SYT9: variants seen among roughly 807,000 people sequenced by gnomAD.
SYT9 encodes the protein synaptotagmin 9.
SYT9 carries 22 observed loss-of-function variants against 48.4 expected under a neutral mutation model. The observed-to-expected ratio is 0.45, with a 90% CI of 0.32 to 0.65. The LOEUF (loss-of-function observed/expected upper bound fraction) is 0.65, where lower values mean the gene tolerates loss of function less well. Ranked by LOEUF, SYT9 falls within the 30% of genes least tolerant of loss-of-function variation. The pLI, the probability that SYT9 is intolerant of heterozygous loss-of-function variation, is 0.03. For synonymous variants in SYT9, 265 were observed against 245.0 expected, an observed-to-expected ratio of 1.08 and a Z score of -0.76; for missense variants, 577 against 622.0, an observed-to-expected ratio of 0.93 and a Z score of 0.77.
At position 7,449,474 on chromosome 11, in the gene SYT9, A is replaced by G. The variant is rs1200473349; in HGVS notation, c.1468-17318A>G. On this transcript the variant is annotated intron_variant, in intron 6 of 6. Transcript: ENST00000318881. Reference sequence around the variant, plus strand: ...GTTGTGACTTCAAAAGAGAACCAGGATTCAGTTGAAGTGAGAAAGTGGATA... The same window carrying G: ...GTTGTGACTTCAAAAGAGAACCAGGGTTCAGTTGAAGTGAGAAAGTGGATA... Among the ~76,000 whole-genome samples the G allele has an allele frequency of 2.0e-5, 3 of 152,206 alleles. No homozygotes were observed. In the East Asian group the frequency reaches 5.8e-4, roughly 29 times the overall value.
chr11:7,430,222 T>C (rs1847544685), intron 6 of SYT9, among the ~76,000 whole-genome samples: 2 of 152,264 alleles, frequency 1.3e-5, no homozygotes, highest in South Asian at 4.1e-4. Flanking sequence ...TACATATTTT[T>C]TTCGCACCTT....
intron 6 of SYT9, among the ~76,000 whole-genome samples, chr11:7,423,543 G>C (rs115083955): frequency 6.6e-6 from 1 of 152,176 alleles, no homozygotes; most frequent in Non-Finnish European, 1.5e-5. Context: ...GGGATGGTGA[G>C]GATTAAACAA....
At chr11:7,462,079 T>C (rs536253587) in intron 6 of SYT9, among the ~76,000 whole-genome samples, 9 of 148,866 alleles carry the variant, frequency 6.0e-5, no homozygotes, top group Admixed American at 6.6e-5. Flanking sequence ...GAATCCTTTC[T>C]AGAAAGGTGC....
chr11:7,433,270 T>C (rs1311497284), intron 6 of SYT9, among the ~76,000 whole-genome samples: 1 of 152,196 alleles, frequency 6.6e-6, no homozygotes, highest in Non-Finnish European at 1.5e-5. Context: ...TGTGAACCAA[T>C]TAATCTGCTT....
intron 3 of SYT9, among the ~76,000 whole-genome samples, chr11:7,411,219 T>C (rs1847131525): frequency 6.6e-6 from 1 of 152,238 alleles, no homozygotes; most frequent in African/African-American, 2.4e-5. Context: ...TCTGATCGTT[T>C]TGTATGTTCT....
chr11:7,363,124 A>G lies in SYT9; in HGVS notation c.1044+49183A>G, dbSNP rs1024620585. On this transcript the variant is annotated intron_variant, in intron 3 of 6. Transcript: ENST00000318881. The stretch of plus-strand genomic sequence containing the variant: ...TTTACCTTGAATCTCCACTAGTACT[A>G]TCTGGGCCCAAGATACTATCATTTC... Among the ~76,000 whole-genome samples the G allele has an allele frequency of 2.6e-5, 4 of 151,648 alleles. No individual in the cohort carries two copies. The East Asian group carries it at 7.8e-4, about 29-fold the overall frequency.
intron 3 of SYT9, among the ~76,000 whole-genome samples, chr11:7,345,270 A>G (rs924296413): frequency 6.6e-6 from 1 of 152,146 alleles, no homozygotes; most frequent in African/African-American, 2.4e-5. Context: ...ACCTGTCTGT[A>G]CTGTGTCTCT....
intron 1 of SYT9, among the ~76,000 whole-genome samples, chr11:7,278,285 C>T (rs1266356955): frequency 1.3e-5 from 2 of 152,154 alleles, no homozygotes; most frequent in African/African-American, 4.8e-5. Flanking sequence ...ATAACAAATT[C>T]ATTCATGAAG....
chr11:7,399,701 A>G (rs1478657121), intron 3 of SYT9, among the ~76,000 whole-genome samples: 3 of 151,844 alleles, frequency 2.0e-5, no homozygotes, highest in African/African-American at 2.4e-5. Context: ...GACATCCTCT[A>G]TAGGAACAAA....
chr11:7,431,231 G>A (rs931894349), intron 6 of SYT9, among the ~76,000 whole-genome samples: 3 of 152,148 alleles, frequency 2.0e-5, no homozygotes, highest in Admixed American at 6.5e-5. Flanking sequence ...CAAAGAACTC[G>A]GTTGTATTGT....
chr11:7,444,477 A>G (rs1847893082), intron 6 of SYT9: 1 of 152,204 alleles, frequency 6.6e-6, no homozygotes, highest in African/African-American at 2.4e-5. Context: ...TTGGAGAGAT[A>G]ATTACGGAAA....
chr11:7,400,197 T>C (rs1297494220), intron 3 of SYT9, among the ~76,000 whole-genome samples: 1 of 152,210 alleles, frequency 6.6e-6, no homozygotes, highest in Admixed American at 6.5e-5. Context: ...TTAGCATGAA[T>C]GATGCCATAT....
intron 6 of SYT9, among the ~76,000 whole-genome samples, chr11:7,449,781 G>C (rs576907598): frequency 2.0e-5 from 3 of 152,138 alleles, no homozygotes; most frequent in Non-Finnish European, 4.4e-5. Flanking sequence ...TGTTCTCCTA[G>C]AGTTGTTTGA....
At chr11:7,417,846 C>A in intron 4 of SYT9, 111 bp from the exon 5 acceptor site, 2 of 1,058,860 alleles carry the variant, frequency 1.9e-6, no homozygotes, top group Non-Finnish European at 2.7e-6. Flanking sequence ...AGTCCACAGG[C>A]AGGTAAAGGA....
intron 1 of SYT9, among the ~76,000 whole-genome samples, chr11:7,266,313 T>G (rs1203725958): frequency 6.6e-6 from 1 of 152,174 alleles, no homozygotes; most frequent in African/African-American, 2.4e-5. Context: ...TGTATTACTT[T>G]AATTTTGAGG....
intron 3 of SYT9, among the ~76,000 whole-genome samples, chr11:7,350,777 G>T (rs1432979934): frequency 6.6e-6 from 1 of 152,158 alleles, no homozygotes; most frequent in Non-Finnish European, 1.5e-5. Context: ...TCCAGAAGAC[G>T]TGATGTAGAA....
intron 6 of SYT9, among the ~76,000 whole-genome samples, chr11:7,432,285 G>A (rs1452714730): frequency 1.3e-5 from 2 of 152,016 alleles, no homozygotes; most frequent in African/African-American, 2.4e-5. Flanking sequence ...GGTGGCTCAC[G>A]CCTGTAATCC....
intron 3 of SYT9, among the ~76,000 whole-genome samples, chr11:7,329,278 C>T (rs1849487883): frequency 1.3e-5 from 2 of 152,066 alleles, no homozygotes; most frequent in African/African-American, 4.8e-5. Context: ...TTTGAGTACG[C>T]TAATTCTTTC....
intron 6 of SYT9, among the ~76,000 whole-genome samples, chr11:7,426,584 A>T (rs2134112652): frequency 6.6e-6 from 1 of 152,272 alleles, no homozygotes; most frequent in East Asian, 1.9e-4. Context: ...TTACATGGTC[A>T]TTTCTACATT....
Sources: gnomAD v4.1 joint callset for allele counts (sites outside exome capture counted in the v4.1 genomes callset) on GRCh38, gnomAD v4.1.1 for gene constraint, MANE v1.5 for transcripts, NCBI Gene and HGNC (gene_info 2026-07-23, HGNC 2026-07-21) for gene names.